The following DOC2B variants were observed in gnomAD, a reference collection of about 807,000 sequenced individuals.
DOC2B encodes double C2-like domain-containing protein beta.
A neutral mutation model predicts 28.9 loss-of-function variants in DOC2B; 21 were observed. The ratio of observed to expected loss-of-function variants is 0.73; its 90% CI spans 0.52 to 1.05. The LOEUF is 1.05. DOC2B is among the 50% of genes least tolerant of loss of function. The pLI is 0.00. For missense variants in DOC2B, 384 were observed against 421.1 expected, an observed-to-expected ratio of 0.91 and a Z score of 0.77; for synonymous variants, 194 against 178.1, an observed-to-expected ratio of 1.09 and a Z score of -0.71.
intron 6 of DOC2B, among the ~76,000 whole-genome samples, chr17:154,572 C>T (rs1037782034): frequency 2.0e-5 from 3 of 152,206 alleles, no homozygotes; most frequent in Non-Finnish European, 4.4e-5. Flanking sequence ...CTGCTATGAA[C>T]ATTCCTGCAC....
chr17:154,761 G>A (rs748021421), intron 6 of DOC2B, among the ~76,000 whole-genome samples: 8 of 151,946 alleles, frequency 5.3e-5, no homozygotes, highest in African/African-American at 1.5e-4. Flanking sequence ...AGAGTGTCTC[G>A]CTCTGTCACC....
At chr17:150,956 A>G (rs2040065939) in intron 6 of DOC2B, among the ~76,000 whole-genome samples, 1 of 152,210 alleles carries the variant, frequency 6.6e-6, no homozygotes, top group Admixed American at 6.5e-5. Context: ...TTTCATGGGA[A>G]AGTCTGGAAA....
intron 5 of DOC2B, among the ~76,000 whole-genome samples, chr17:158,689 G>A (rs756398503): frequency 6.6e-6 from 1 of 152,254 alleles, no homozygotes; most frequent in Non-Finnish European, 1.5e-5. Flanking sequence ...AGCTTTGTGT[G>A]TGAGGGCCTT....
rs543765287 is a variant in DOC2B, at chr17:150,842, C to G, written c.924-1650G>C. 1.2e-3 allele frequency among the ~76,000 whole-genome samples: 189 copies of G among 152,304 alleles called. 2 individuals are homozygous for G. The highest frequency in any genetic ancestry group is 4.8e-3 in the South Asian group (23 of 4,824). On this transcript the variant is annotated intron_variant, in intron 6 of 8. Transcript: ENST00000613549. ...CACACAATGGAAGACCACTTAGCAA[C>G]AAAAAGGACCAAACTCCTGGTACAT...
intron 2 of DOC2B, among the ~76,000 whole-genome samples, chr17:169,053 A>G (rs975376641): frequency 1.3e-5 from 2 of 152,110 alleles, no homozygotes; most frequent in Non-Finnish European, 2.9e-5. Context: ...CTTCTCCCCA[A>G]AAACCTAGCC....
At chr17:176,571 G>A (rs181666093) in intron 1 of DOC2B, among the ~76,000 whole-genome samples, 64 of 152,238 alleles carry the variant, frequency 4.2e-4, no homozygotes, top group African/African-American at 1.5e-3. Context: ...AATCTTAGGA[G>A]GATGCAACTA....
intron 2 of DOC2B, among the ~76,000 whole-genome samples, chr17:165,965 T>C (rs1391727660): frequency 6.6e-6 from 1 of 152,184 alleles, no homozygotes; most frequent in Non-Finnish European, 1.5e-5. Flanking sequence ...GGCCACCACA[T>C]GTTCTGGCGT....
chr17:148,501 C>T (rs969888442), intron 7 of DOC2B, among the ~76,000 whole-genome samples: 1 of 152,130 alleles, frequency 6.6e-6, no homozygotes. Context: ...GCTCTCCCCA[C>T]ACCCCGGGAG....
intron 6 of DOC2B, among the ~76,000 whole-genome samples, chr17:152,431 T>G (rs565667212): frequency 4.6e-5 from 7 of 152,272 alleles, no homozygotes; most frequent in African/African-American, 1.7e-4. Context: ...ACTTCCGGCC[T>G]GGGGAAACTG....
intron 1 of DOC2B, 112 bp from the exon 2 acceptor site, chr17:172,728 G>T: frequency 1.2e-6 from 1 of 820,448 alleles, no homozygotes; most frequent in Non-Finnish European, 1.8e-6. Context: ...GTTCCATGGC[G>T]GCTGCCACCA....
At position 144,011 on chromosome 17, in the gene DOC2B, A is replaced by G. The variant is rs2040001728; in HGVS notation, c.*3430T>C. ...GGCGCAGTTCCCCGCGCTCGCCACT[A>G]GAGGTCAGGAGGTGACCGCTTCGGG... is the stretch of plus-strand genomic sequence containing the variant. On this transcript the variant is annotated 3_prime_UTR_variant, in exon 9 of 9. Coordinates refer to ENST00000613549, the MANE Select transcript of DOC2B (RefSeq NM_003585.5). 7.3e-6 allele frequency: 1 copy of G among 137,668 alleles called. No homozygotes were observed. The highest frequency in any genetic ancestry group is 1.6e-5 in the Non-Finnish European group (1 of 63,954). The allele number at this position is 137,668 out of a possible 1,614,324, so 8.5% of individuals were successfully genotyped here.
intron 1 of DOC2B, among the ~76,000 whole-genome samples, chr17:173,783 G>A (rs1395736593): frequency 6.6e-6 from 1 of 152,176 alleles, no homozygotes; most frequent in Non-Finnish European, 1.5e-5. Context: ...AGGCCAACCA[G>A]CAGGTACGGG....
chr17:172,403 C>T, intron 2 of DOC2B, 134 bp downstream of exon 2: 1 of 646,282 alleles, frequency 1.5e-6, no homozygotes. Context: ...CCTTCCTGGC[C>T]CCGCACCCCA....
At chr17:173,706 C>T (rs2040337884) in intron 1 of DOC2B, among the ~76,000 whole-genome samples, 1 of 152,238 alleles carries the variant, frequency 6.6e-6, no homozygotes, top group South Asian at 2.1e-4. Context: ...TTCACCTGAG[C>T]CATGAGGGAT....
intron 2 of DOC2B, among the ~76,000 whole-genome samples, chr17:168,947 T>G (rs1426186823): frequency 1.3e-5 from 2 of 152,218 alleles, no homozygotes; most frequent in East Asian, 1.9e-4. Flanking sequence ...GAAAATGGAC[T>G]AATACAGGGA....
rs149830612 is a variant in DOC2B, at chr17:176,946, G to C, written c.373+4161C>G. Among the ~76,000 whole-genome samples, 533 of 152,010 alleles carry C rather than the reference G, an allele frequency of 3.5e-3. 2 individuals carry two copies. The highest frequency in any genetic ancestry group is 0.012 in the African/African-American group (496 of 41,456). ...AAGGCCGAGCACCCCCTGCTTGGCT[G>C]ATGTAGACCTGACAGCATCATCATA... is the stretch of plus-strand genomic sequence containing the variant. On this transcript the variant is annotated intron_variant, in intron 1 of 8. Coordinates refer to ENST00000613549, the MANE Select transcript of DOC2B (RefSeq NM_003585.5).
rs988936362 is a variant in DOC2B, at chr17:144,652, C to T, written c.*2789G>A. 1 of 152,290 alleles carries T rather than the reference C, an allele frequency of 6.6e-6. No homozygotes were observed. The highest frequency in any genetic ancestry group is 2.4e-5 in the African/African-American group (1 of 41,458). 9.4% of individuals were successfully genotyped at this position (152,290 alleles called of 1,614,324 possible). A position where few individuals can be genotyped will look rare whatever the true frequency, so the allele number is the denominator to read the frequency against. Reference sequence around the variant, plus strand: ...CCAAACTTCCTGGGGAGTTCCTGCCCGAGTGCCTGTGCTGCCCCTGGGCTG... The same window carrying T: ...CCAAACTTCCTGGGGAGTTCCTGCCTGAGTGCCTGTGCTGCCCCTGGGCTG... On this transcript the variant is annotated 3_prime_UTR_variant, in exon 9 of 9. Transcript: ENST00000613549.
intron 1 of DOC2B, among the ~76,000 whole-genome samples, chr17:177,953 G>A (rs1343379456): frequency 2.0e-5 from 3 of 152,230 alleles, no homozygotes; most frequent in Admixed American, 6.5e-5. Context: ...GGTTTAACAC[G>A]GGCATGTGAT....
chr17:153,996 G>T lies in DOC2B; in HGVS notation c.923+2224C>A, dbSNP rs1026382426. Among the ~76,000 whole-genome samples, 22 of 152,208 alleles carry T rather than the reference G, an allele frequency of 1.4e-4. No homozygotes were observed. The East Asian group carries it at 4.3e-3, about 29-fold the overall frequency. ...ACAAATCTACTCTCTGCCTCTGTGG[G>T]TTGACCTATTCTGGACACGTCATAG... On this transcript the variant is annotated intron_variant, in intron 6 of 8. Transcript: ENST00000613549.
Sources: allele counts gnomAD v4.1 joint callset (sites outside exome capture counted in the v4.1 genomes callset), GRCh38; gene constraint gnomAD v4.1.1; transcripts MANE v1.5; gene names NCBI Gene and HGNC (gene_info 2026-07-23, HGNC 2026-07-21).